The following PDE6A variants were observed in gnomAD, a reference collection of about 807,000 sequenced individuals.
PDE6A encodes the protein rod cGMP-specific 3',5'-cyclic phosphodiesterase subunit alpha.
PDE6A carries 84 observed loss-of-function variants against 106.3 expected under a neutral mutation model. The observed-to-expected ratio is 0.79, with a 90% CI of 0.66 to 0.95. The LOEUF (loss-of-function observed/expected upper bound fraction) is 0.95, where lower values mean the gene tolerates loss of function less well. Ranked by LOEUF, PDE6A falls within the 40% of genes least tolerant of loss-of-function variation. The pLI, the probability that PDE6A is intolerant of heterozygous loss-of-function variation, is 0.00. For missense variants in PDE6A, 1,052 were observed against 1,084.9 expected, an observed-to-expected ratio of 0.97 and a Z score of 0.43; for synonymous variants, 394 against 386.6, an observed-to-expected ratio of 1.02 and a Z score of -0.23.
At chr5:149,927,325 A>C (rs1753891922) in intron 4 of PDE6A, among the ~76,000 whole-genome samples, 1 of 152,308 alleles carries the variant, frequency 6.6e-6, no homozygotes, top group East Asian at 1.9e-4. Flanking sequence ...GGCCTAGGAC[A>C]TTACTGTACG....
chr5:149,906,681 C>G (rs1290680572), intron 7 of PDE6A, among the ~76,000 whole-genome samples: 1 of 152,114 alleles, frequency 6.6e-6, no homozygotes, highest in Non-Finnish European at 1.5e-5. Context: ...CTCCAGTCCT[C>G]CATGCCCATG....
chr5:149,920,613 T>G (rs561745914), intron 5 of PDE6A, among the ~76,000 whole-genome samples: 1 of 152,100 alleles, frequency 6.6e-6, no homozygotes, highest in East Asian at 1.9e-4. Context: ...TGTGGCAAAC[T>G]AGAGAACTCA....
intron 15 of PDE6A, 65 bp from the exon 16 acceptor site, chr5:149,884,644 C>T: frequency 6.9e-7 from 1 of 1,441,752 alleles, no homozygotes; most frequent in Non-Finnish European, 9.8e-7. Context: ...ACCCACCTAC[C>T]AATGGCCACC....
At chr5:149,920,986 G>GAGAA (rs1561769475) in intron 5 of PDE6A, among the ~76,000 whole-genome samples, 32 of 134,166 alleles carry the variant, frequency 2.4e-4, no homozygotes, top group African/African-American at 1.1e-3. Context: ...AAGAAAGAAA[G>GAGAA]AAAGAAAGAA....
intron 17 of PDE6A, among the ~76,000 whole-genome samples, chr5:149,879,723 A>G (rs1278045967): frequency 1.3e-5 from 2 of 151,246 alleles, no homozygotes; most frequent in Non-Finnish European, 2.9e-5. Flanking sequence ...ATGATTTCCA[A>G]TTTCATCCAT....
chr5:149,901,255 G>A lies in PDE6A; in HGVS notation c.1114-1731C>T, dbSNP rs576441326. On this transcript the variant is annotated intron_variant, in intron 8 of 21. Coordinates refer to ENST00000255266, the MANE Select transcript of PDE6A (RefSeq NM_000440.3). The stretch of plus-strand genomic sequence containing the variant: ...TAAAAACATTATTCAGGGGCTGGGC[G>A]CAGTGGCTCACGCCTGTAATCCCAG... 5.9e-5 allele frequency among the ~76,000 whole-genome samples: 9 copies of A among 152,256 alleles called. No individual in the cohort carries two copies. The South Asian group carries it at 1.0e-3, about 18-fold the overall frequency.
At chr5:149,931,973 C>G (rs995940716) in intron 3 of PDE6A, 29 of 1,266,912 alleles carry the variant, frequency 2.3e-5, no homozygotes, top group South Asian at 6.0e-5. Context: ...ATATTTCCAG[C>G]TGTTGAGATA....
Position 149,859,770 on chromosome 5 carries a change from C to T in PDE6A, c.*1125G>A, listed in dbSNP as rs1760064824. 6.6e-6 allele frequency: 1 copy of T among 152,274 alleles called. No individual in the cohort carries two copies. Among genetic ancestry groups the T allele is most frequent in the Non-Finnish European group, 1.5e-5 (1 of 68,102 alleles). 9.4% of individuals were successfully genotyped at this position (152,274 alleles called of 1,614,324 possible). ...GAAGCTTGGGGTCTGTGCAGCCCAT[C>T]AAAGCATAGATCACAGCTGGGTATT... is the stretch of plus-strand genomic sequence containing the variant. On this transcript the variant is annotated 3_prime_UTR_variant, in exon 22 of 22. Coordinates refer to ENST00000255266, the MANE Select transcript of PDE6A (RefSeq NM_000440.3).
At position 149,944,711 on chromosome 5, in the gene PDE6A, G is replaced by T; in HGVS notation, c.-38C>A. ...CACTGGCTACTCTGTAGAAGGACTG[G>T]GACGGAGGCCTTCCAATGGCAGTTT... On this transcript the variant is annotated 5_prime_UTR_variant, in exon 1 of 22. Coordinates refer to ENST00000255266, the MANE Select transcript of PDE6A (RefSeq NM_000440.3). 6.5e-7 allele frequency: 1 copy of T among 1,529,464 alleles called. No individual in the cohort carries two copies. Among genetic ancestry groups the T allele is most frequent in the Non-Finnish European group, 8.9e-7 (1 of 1,122,328 alleles). 94.7% of individuals were successfully genotyped at this position (1,529,464 alleles called of 1,614,324 possible). A position where few individuals can be genotyped will look rare whatever the true frequency, so the allele number is the denominator to read the frequency against.
intron 6 of PDE6A, among the ~76,000 whole-genome samples, chr5:149,914,720 C>G (rs1409033676): frequency 6.7e-6 from 1 of 149,386 alleles, no homozygotes; most frequent in Admixed American, 6.7e-5. Flanking sequence ...TGTTCTATCT[C>G]CCTCTCCCAC....
intron 5 of PDE6A, among the ~76,000 whole-genome samples, chr5:149,916,234 T>C (rs1309779195): frequency 6.6e-6 from 1 of 152,218 alleles, no homozygotes; most frequent in Non-Finnish European, 1.5e-5. Flanking sequence ...TTGCAAGTCT[T>C]CCTTTGCCCC....
intron 13 of PDE6A, among the ~76,000 whole-genome samples, chr5:149,890,720 C>T (rs1470517498): frequency 6.6e-6 from 1 of 151,778 alleles, no homozygotes; most frequent in Non-Finnish European, 1.5e-5. Context: ...TAAAGTGTTT[C>T]TTCTTCATAA....
intron 1 of PDE6A, among the ~76,000 whole-genome samples, chr5:149,942,174 C>T (rs1009305889): frequency 6.6e-6 from 1 of 151,996 alleles, no homozygotes; most frequent in Non-Finnish European, 1.5e-5. Context: ...TGTTGCCCAG[C>T]CTGGTCTCAA....
intron 19 of PDE6A, 146 bp downstream of exon 19, chr5:149,867,579 T>G: frequency 1.3e-6 from 1 of 756,288 alleles, no homozygotes; most frequent in Non-Finnish European, 2.3e-6. Flanking sequence ...GACAGTGGCC[T>G]GGAGACCACA....
At position 149,860,983 on chromosome 5, in the gene PDE6A, CAG is replaced by C; in HGVS notation, c.2507-14_2507-13del. 1 of 1,613,382 alleles carries C rather than the reference CAG, an allele frequency of 6.2e-7. No homozygotes were observed. The highest frequency in any genetic ancestry group is 8.5e-7 in the Non-Finnish European group (1 of 1,179,576). ...ATTTCCTGCGGCTGCTGCAATGAAA[CAG>C]GAAAAAGAACACACCAGGTGACAAG... is the stretch of plus-strand genomic sequence containing the variant. On this transcript the variant is annotated splice_polypyrimidine_tract_variant and intron_variant, in intron 21 of 21. Transcript: ENST00000255266.
rs754488932 is a variant in PDE6A at position 149,920,978 on chromosome 5, GAAAGAAAGAAAGAA to G, written c.933+643_933+656del. Among the ~76,000 whole-genome samples, 91 of 132,318 alleles carry G rather than the reference GAAAGAAAGAAAGAA, an allele frequency of 6.9e-4. 1 individual carries two copies. Among genetic ancestry groups the G allele is most frequent in the African/African-American group, 2.6e-3 (66 of 25,848 alleles). 86.8% of individuals were successfully genotyped at this position (132,318 alleles called of 152,430 possible). On this transcript the variant is annotated intron_variant, in intron 5 of 21. Coordinates refer to ENST00000255266, the MANE Select transcript of PDE6A (RefSeq NM_000440.3). ...AGAAAGAAAGAAAGAAAGAAAGAAA[GAAAGAAAGAAAGAA>G]AGAAAAAGAAAGAAAATAGAAAACC...
intron 17 of PDE6A, among the ~76,000 whole-genome samples, chr5:149,871,483 G>A (rs2113518992): frequency 6.6e-6 from 1 of 152,218 alleles, no homozygotes; most frequent in African/African-American, 2.4e-5. Context: ...ACTGTAGGAT[G>A]TGTAACCATT....
intron 4 of PDE6A, among the ~76,000 whole-genome samples, chr5:149,924,557 T>C (rs1055569780): frequency 6.6e-6 from 1 of 152,038 alleles, no homozygotes; most frequent in Admixed American, 6.6e-5. Flanking sequence ...CTCAAATGAA[T>C]GAGATAAATC....
chr5:149,873,716 T>C (rs6878747), intron 17 of PDE6A, among the ~76,000 whole-genome samples: 19,340 of 152,048 alleles, frequency 0.13, 2,142 homozygotes, highest in African/African-American at 0.3. Flanking sequence ...ACACAAACAC[T>C]GCAGTGCTAG....
Sources: allele counts gnomAD v4.1 joint callset (sites outside exome capture counted in the v4.1 genomes callset), GRCh38; gene constraint gnomAD v4.1.1; transcripts MANE v1.5; gene names NCBI Gene and HGNC (gene_info 2026-07-23, HGNC 2026-07-21).